CDK14: variants seen among roughly 807,000 people sequenced by gnomAD.
CDK14 encodes cyclin dependent kinase 14.
In CDK14, 34 loss-of-function variants were observed where a neutral mutation model predicts 60.7. The ratio of observed to expected loss-of-function variants is 0.56; its 90% CI spans 0.43 to 0.75. The LOEUF is 0.75. Ranked by LOEUF, CDK14 falls within the 30% of genes least tolerant of loss-of-function variation. The pLI is 0.00. For missense variants in CDK14, 482 were observed against 564.1 expected (o/e 0.85, Z 1.47); for synonymous variants, 197 against 203.7 (o/e 0.97, Z 0.28).
At chr7:90,657,937 C>A (rs1007839920) in intron 2 of CDK14, among the ~76,000 whole-genome samples, 1 of 152,172 alleles carries the variant, frequency 6.6e-6, no homozygotes, top group African/African-American at 2.4e-5. Context: ...CATCTTTGCT[C>A]CTTCTGTTTT....
At chr7:90,899,437 T>C in intron 7 of CDK14, 84 bp downstream of exon 7, 3 of 1,039,854 alleles carry the variant, frequency 2.9e-6, no homozygotes, top group Non-Finnish European at 4.0e-6. Context: ...TACCATAACA[T>C]ATTTAAATTT....
intron 5 of CDK14, among the ~76,000 whole-genome samples, chr7:90,862,107 G>C (rs1223075947): frequency 6.6e-6 from 1 of 151,996 alleles, no homozygotes; most frequent in African/African-American, 2.4e-5. Flanking sequence ...TAGAAGAAAA[G>C]AAAAAATCAA....
intron 2 of CDK14, among the ~76,000 whole-genome samples, chr7:90,635,642 T>C (rs1217818653): frequency 6.6e-6 from 1 of 152,128 alleles, no homozygotes; most frequent in Non-Finnish European, 1.5e-5. Context: ...CATATGAACT[T>C]TAAAGTAGTT....
In CDK14 at chr7:90,793,493, TGAG is replaced by T. The variant is rs1428314864; in HGVS notation, c.544+2845_544+2847del. 4.6e-5 allele frequency among the ~76,000 whole-genome samples: 7 copies of T among 152,262 alleles called. No homozygotes were observed. The South Asian group carries it at 1.2e-3, about 27-fold the overall frequency. The stretch of plus-strand genomic sequence containing the variant: ...GATAGAAAAACAGTAAAGAGTAGAT[TGAG>T]GAGAAGTGTTCCAGACAGGTATAGA... On this transcript the variant is annotated intron_variant, in intron 5 of 14. Coordinates refer to ENST00000380050, the MANE Select transcript of CDK14 (RefSeq NM_001287135.2).
intron 2 of CDK14, among the ~76,000 whole-genome samples, chr7:90,605,428 G>A (rs530374195): frequency 1.3e-5 from 2 of 152,362 alleles, no homozygotes; most frequent in African/African-American, 4.8e-5. Flanking sequence ...TTCTAGGCTT[G>A]AAGCAATAGA....
intron 14 of CDK14, among the ~76,000 whole-genome samples, chr7:91,119,699 C>A (rs1488417870): frequency 6.6e-6 from 1 of 152,066 alleles, no homozygotes; most frequent in Non-Finnish European, 1.5e-5. Context: ...CTTTTGAATA[C>A]CCTCAACATA....
At chr7:91,120,181 CTCT>C (rs1243767568) in intron 14 of CDK14, among the ~76,000 whole-genome samples, 1 of 152,220 alleles carries the variant, frequency 6.6e-6, no homozygotes, top group Non-Finnish European at 1.5e-5. Flanking sequence ...GGCTGTGTTC[CTCT>C]TCTTGGCTCT....
At chr7:90,980,352 G>A (rs1008635660) in intron 9 of CDK14, among the ~76,000 whole-genome samples, 2 of 152,054 alleles carry the variant, frequency 1.3e-5, no homozygotes, top group African/African-American at 2.4e-5. Flanking sequence ...CTCAAAAGAA[G>A]GAACAAAGGA....
intron 2 of CDK14, among the ~76,000 whole-genome samples, chr7:90,667,522 T>A (rs1481652456): frequency 6.6e-6 from 1 of 152,160 alleles, no homozygotes; most frequent in Non-Finnish European, 1.5e-5. Flanking sequence ...ACTGGCCTCT[T>A]TCATTTAGTT....
chr7:91,131,438 C>G (rs1800114724), intron 14 of CDK14, among the ~76,000 whole-genome samples: 1 of 152,096 alleles, frequency 6.6e-6, no homozygotes, highest in African/African-American at 2.4e-5. Flanking sequence ...GATGTAAAGT[C>G]AGAGAAGCTG....
intron 10 of CDK14, among the ~76,000 whole-genome samples, chr7:91,011,776 AT>A (rs1796164732): frequency 6.6e-6 from 1 of 151,910 alleles, no homozygotes; most frequent in South Asian, 2.1e-4. Flanking sequence ...TGTAGGTTTT[AT>A]CTCTAAAAGT....
At chr7:90,944,206 C>T (rs1794025851) in intron 8 of CDK14, among the ~76,000 whole-genome samples, 1 of 152,152 alleles carries the variant, frequency 6.6e-6, no homozygotes, top group Admixed American at 6.5e-5. Context: ...CCAAAGTAAA[C>T]TTTTTTTCTT....
intron 3 of CDK14, 30 bp downstream of exon 3, chr7:90,726,842 G>A (rs1420802598): frequency 1.2e-6 from 2 of 1,609,860 alleles, no homozygotes; most frequent in East Asian, 4.5e-5. Context: ...TTATCACTGG[G>A]TAAACAGAAG....
chr7:90,828,208 A>G (rs1789789013), intron 5 of CDK14, among the ~76,000 whole-genome samples: 1 of 152,182 alleles, frequency 6.6e-6, no homozygotes, highest in Non-Finnish European at 1.5e-5. Context: ...TATAGTTCTC[A>G]TCTCTGGAAG....
chr7:91,015,501 C>T (rs1796274197), intron 10 of CDK14, among the ~76,000 whole-genome samples: 1 of 151,076 alleles, frequency 6.6e-6, no homozygotes, highest in Non-Finnish European at 1.5e-5. Context: ...GTCTCCCTAC[C>T]CCAGCAGAGT....
At chr7:90,608,903 C>T (rs747097485) in intron 2 of CDK14, among the ~76,000 whole-genome samples, 18 of 152,190 alleles carry the variant, frequency 1.2e-4, no homozygotes, top group Admixed American at 1.2e-3. Flanking sequence ...AACTTGCTTA[C>T]TTTACATTTA....
chr7:90,996,874 A>T (rs1372830322), intron 10 of CDK14, among the ~76,000 whole-genome samples: 1 of 152,230 alleles, frequency 6.6e-6, no homozygotes, highest in African/African-American at 2.4e-5. Context: ...ATTCTTCTCC[A>T]GGACAAAAGC....
At chr7:90,962,771 G>A (rs1794638248) in intron 9 of CDK14, among the ~76,000 whole-genome samples, 1 of 152,096 alleles carries the variant, frequency 6.6e-6, no homozygotes, top group Non-Finnish European at 1.5e-5. Flanking sequence ...CAATCACAGA[G>A]ACTCAGTTTC....
intron 2 of CDK14, among the ~76,000 whole-genome samples, chr7:90,625,387 T>C (rs865970249): frequency 2.6e-5 from 4 of 152,312 alleles, no homozygotes; most frequent in Middle Eastern, 3.4e-3. Flanking sequence ...GTACCTGCCA[T>C]GTACATTAAG....
Sources: allele counts gnomAD v4.1 joint callset (sites outside exome capture counted in the v4.1 genomes callset), GRCh38; gene constraint gnomAD v4.1.1; transcripts MANE v1.5; gene names NCBI Gene and HGNC (gene_info 2026-07-23, HGNC 2026-07-21).